Variants in PTPRT observed in about 807,000 individuals in gnomAD.
PTPRT encodes the protein protein tyrosine phosphatase receptor type T.
PTPRT carries 56 observed loss-of-function variants against 176.8 expected under a neutral mutation model. That is an observed-to-expected ratio of 0.32 (90% CI 0.26 to 0.40). The LOEUF is 0.40. Ranked by LOEUF, PTPRT falls within the 10% of genes least tolerant of loss-of-function variation. PTPRT has a pLI of 1.00. For synonymous variants in PTPRT, 783 were observed against 739.0 expected (o/e 1.06, Z -0.96); for missense variants, 1,540 against 1,908.2 (o/e 0.81, Z 3.60).
intron 9 of PTPRT, among the ~76,000 whole-genome samples, chr20:42,405,171 C>T (rs541213020): frequency 1.5e-4 from 23 of 150,660 alleles, no homozygotes; most frequent in Non-Finnish European, 3.1e-4. Flanking sequence ...CAAGTGATTT[C>T]GCAGGCCACA....
intron 1 of PTPRT, among the ~76,000 whole-genome samples, chr20:42,915,988 A>C (rs1211609704): frequency 2.0e-5 from 3 of 151,846 alleles, no homozygotes; most frequent in East Asian, 1.9e-4. Flanking sequence ...TTATACTTTA[A>C]GTTTTAGGGT....
intron 1 of PTPRT, among the ~76,000 whole-genome samples, chr20:43,095,522 A>G (rs970091022): frequency 6.6e-6 from 1 of 151,596 alleles, no homozygotes; most frequent in African/African-American, 2.4e-5. Context: ...ATGGCTCCCC[A>G]CCCACCTTGC....
At chr20:42,069,974 C>A (rs1292417806), downstream of PTPRT, among the ~76,000 whole-genome samples, 1 of 152,152 alleles carries the variant, frequency 6.6e-6, no homozygotes, top group Non-Finnish European at 1.5e-5. Context: ...TCAGTCCTGT[C>A]ATTAAATTTC....
At chr20:42,792,289 T>A (rs909783868) in intron 2 of PTPRT, among the ~76,000 whole-genome samples, 2 of 152,242 alleles carry the variant, frequency 1.3e-5, no homozygotes, top group African/African-American at 4.8e-5. Flanking sequence ...TTATTGTTGT[T>A]TGCCAGTGAG....
intron 5 of PTPRT, among the ~76,000 whole-genome samples, chr20:42,767,706 AATAT>A (rs1169817490): frequency 1.4e-5 from 2 of 146,626 alleles, no homozygotes; most frequent in East Asian, 3.9e-4. Flanking sequence ...AAATTTTTAT[AATAT>A]ATATTTTATA....
At chr20:42,903,638 G>A (rs2079436005) in intron 1 of PTPRT, among the ~76,000 whole-genome samples, 2 of 152,212 alleles carry the variant, frequency 1.3e-5, no homozygotes, top group Non-Finnish European at 2.9e-5. Context: ...GTCTGTAGTT[G>A]CCAGTTGGAC....
intron 6 of PTPRT, among the ~76,000 whole-genome samples, chr20:42,690,535 T>G (rs762375166): frequency 1.1e-4 from 16 of 152,254 alleles, no homozygotes; most frequent in South Asian, 1.0e-3. Flanking sequence ...ACAAAGCTAG[T>G]GTTCAACATG....
chr20:42,989,885 G>A (rs1018410794), intron 1 of PTPRT, among the ~76,000 whole-genome samples: 1 of 152,188 alleles, frequency 6.6e-6, no homozygotes, highest in African/African-American at 2.4e-5. Flanking sequence ...GTCACAGAAG[G>A]TCACACCACA....
the PTPRT span, among the ~76,000 whole-genome samples, chr20:42,046,039 T>C: frequency 6.6e-6 from 1 of 152,230 alleles, no homozygotes; most frequent in Non-Finnish European, 1.5e-5. Flanking sequence ...AGGTTTCCCT[T>C]GACCTCATGG....
At chr20:42,550,871 T>G (rs996345865) in intron 7 of PTPRT, among the ~76,000 whole-genome samples, 2 of 152,128 alleles carry the variant, frequency 1.3e-5, no homozygotes, top group African/African-American at 2.4e-5. Flanking sequence ...TAAGTCTGAT[T>G]TGAGCCATGG....
intron 7 of PTPRT, among the ~76,000 whole-genome samples, chr20:42,615,922 G>A (rs2074067048): frequency 8.4e-6 from 1 of 118,768 alleles, no homozygotes; most frequent in East Asian, 2.0e-4. Flanking sequence ...CTTTTGCTGT[G>A]CAGAAGCTCT....
intron 17 of PTPRT, among the ~76,000 whole-genome samples, chr20:42,146,101 T>G (rs1327502981): frequency 6.6e-6 from 1 of 152,190 alleles, no homozygotes; most frequent in African/African-American, 2.4e-5. Context: ...TTCTAGCTAC[T>G]GCAGGTAACT....
intron 16 of PTPRT, among the ~76,000 whole-genome samples, chr20:42,185,321 TA>T (rs1169236218): frequency 6.6e-6 from 1 of 152,198 alleles, no homozygotes; most frequent in Non-Finnish European, 1.5e-5. Flanking sequence ...GAGGGCCATA[TA>T]GTAGCCTATC....
chr20:42,312,151 A>C (rs1355432428), intron 12 of PTPRT, among the ~76,000 whole-genome samples: 1 of 152,212 alleles, frequency 6.6e-6, no homozygotes, highest in African/African-American at 2.4e-5. Context: ...TGCTCACTGT[A>C]GGTCTTCGTA....
At position 42,315,807 on chromosome 20, in the gene PTPRT, C is replaced by T. The variant is rs1270111342; in HGVS notation, c.2055G>A (p.Lys685=). Residue 685 remains lysine, a synonymous_variant, in exon 12 of 31, where the codon AAG becomes AAA. Coordinates refer to ENST00000373187, the MANE Select transcript of PTPRT (RefSeq NM_007050.6). ...VTQPFTVGDN[K]TYNGYWNPPL... The stretch of plus-strand genomic sequence containing the variant: ...GAGGGTTCCAGTAGCCATTGTATGT[C>T]TTATTGTCACCCACTGTAAATGGCT... 1.2e-6 allele frequency: 2 copies of T among 1,613,978 alleles called. No homozygotes were observed. The highest frequency in any genetic ancestry group is 1.7e-6 in the Non-Finnish European group (2 of 1,179,988).
At chr20:42,340,269 G>C (rs1197815695) in intron 11 of PTPRT, among the ~76,000 whole-genome samples, 2 of 152,124 alleles carry the variant, frequency 1.3e-5, no homozygotes, top group African/African-American at 4.8e-5. Flanking sequence ...TCTAGCCCTC[G>C]ATTCTTGCAG....
At chr20:42,186,841 A>G (rs6030035) in intron 16 of PTPRT, among the ~76,000 whole-genome samples, 52,864 of 151,896 alleles carry the variant, frequency 0.35, 9,486 homozygotes, top group East Asian at 0.38. Context: ...TAGTGGATAT[A>G]GAGGAAAATA....
At chr20:42,050,421 G>A in the PTPRT span, among the ~76,000 whole-genome samples, 1 of 152,164 alleles carries the variant, frequency 6.6e-6, no homozygotes, top group Non-Finnish European at 1.5e-5. Context: ...CACACAGCTT[G>A]TAAGGGGCAG....
At chr20:42,245,816 G>T (rs2056439313) in intron 14 of PTPRT, among the ~76,000 whole-genome samples, 1 of 152,094 alleles carries the variant, frequency 6.6e-6, no homozygotes, top group African/African-American at 2.4e-5. Context: ...CTTTAGGGGG[G>T]CTTTGAGTCA....
Sources: gnomAD v4.1 joint callset for allele counts (sites outside exome capture counted in the v4.1 genomes callset) on GRCh38, gnomAD v4.1.1 for gene constraint, MANE v1.5 for transcripts, NCBI Gene and HGNC (gene_info 2026-07-23, HGNC 2026-07-21) for gene names.